The following STPG2 variants were observed in gnomAD, a reference collection of about 807,000 sequenced individuals.
STPG2 encodes sperm tail PG-rich repeat containing 2.
Under a neutral mutation model 54.2 loss-of-function variants are expected in STPG2, and 56 were observed. The observed-to-expected ratio is 1.03, with a 90% CI of 0.83 to 1.29. The LOEUF (loss-of-function observed/expected upper bound fraction) is 1.29, where lower values mean the gene tolerates loss of function less well. Ranked by LOEUF, STPG2 falls within the 50% of genes most tolerant of loss-of-function variation. The pLI, the probability that STPG2 is intolerant of heterozygous loss-of-function variation, is 0.00. For missense variants in STPG2, 596 were observed against 544.9 expected (o/e 1.09, Z -0.93); for synonymous variants, 200 against 181.8 (o/e 1.10, Z -0.81).
At chr4:98,124,144 G>A (rs1739765339) in intron 3 of STPG2, among the ~76,000 whole-genome samples, 1 of 152,134 alleles carries the variant, frequency 6.6e-6, no homozygotes, top group Non-Finnish European at 1.5e-5. Context: ...CTGCTATTCT[G>A]TGTCTTTTAT....
At chr4:97,479,714 T>C (rs1056495404) in intron 4 of STPG2, among the ~76,000 whole-genome samples, 1 of 151,888 alleles carries the variant, frequency 6.6e-6, no homozygotes, top group Non-Finnish European at 1.5e-5. Context: ...AAGGTTTCCA[T>C]TATAGATCAA....
intron 8 of STPG2, among the ~76,000 whole-genome samples, chr4:97,932,321 T>C (rs964474890): frequency 5.3e-5 from 8 of 152,140 alleles, no homozygotes; most frequent in Non-Finnish European, 8.8e-5. Context: ...ATTTTTCAAG[T>C]TGTGAAGTTA....
intron 4 of STPG2, among the ~76,000 whole-genome samples, chr4:97,502,301 G>A (rs1430786669): frequency 6.6e-6 from 1 of 151,716 alleles, no homozygotes; most frequent in Non-Finnish European, 1.5e-5. Flanking sequence ...AAATACCTTA[G>A]GCAAACAGGC....
chr4:97,518,390 C>A (rs112763283), intron 4 of STPG2, among the ~76,000 whole-genome samples: 1 of 152,082 alleles, frequency 6.6e-6, no homozygotes, highest in African/African-American at 2.4e-5. Context: ...GAAATGAGGG[C>A]AGATACATTC....
intron 5 of STPG2, among the ~76,000 whole-genome samples, chr4:98,076,977 A>G (rs905542584): frequency 6.6e-6 from 1 of 151,996 alleles, no homozygotes; most frequent in African/African-American, 2.4e-5. Flanking sequence ...TCTAACTTCA[A>G]ACACCCTACA....
chr4:97,573,891 C>A (rs1480276019), intron 10 of STPG2, among the ~76,000 whole-genome samples: 1 of 152,012 alleles, frequency 6.6e-6, no homozygotes, highest in Non-Finnish European at 1.5e-5. Context: ...AGAGCCAGTG[C>A]CCTTATACAA....
At chr4:97,784,043 T>C (rs1188417843) in intron 9 of STPG2, among the ~76,000 whole-genome samples, 2 of 148,486 alleles carry the variant, frequency 1.3e-5, no homozygotes, top group African/African-American at 2.5e-5. Flanking sequence ...GTTGTACACA[T>C]GTACCCTAGA....
chr4:97,731,355 G>T (rs1560505302), intron 9 of STPG2, among the ~76,000 whole-genome samples: 1 of 152,116 alleles, frequency 6.6e-6, no homozygotes, highest in African/African-American at 2.4e-5. Context: ...TTGTTCGGTG[G>T]CGTCATTTAG....
intron 5 of STPG2, among the ~76,000 whole-genome samples, chr4:98,058,317 T>A (rs541185613): frequency 6.6e-6 from 1 of 152,242 alleles, no homozygotes; most frequent in South Asian, 2.1e-4. Flanking sequence ...AAGAGACTCA[T>A]CTCACACACA....
intron 8 of STPG2, among the ~76,000 whole-genome samples, chr4:97,899,071 C>A (rs1731068608): frequency 6.6e-6 from 1 of 151,694 alleles, no homozygotes; most frequent in African/African-American, 2.4e-5. Flanking sequence ...ATCTAGAAAA[C>A]CCCATAATCT....
At chr4:98,142,235 T>C (rs1463664571) in intron 1 of STPG2, among the ~76,000 whole-genome samples, 1 of 152,182 alleles carries the variant, frequency 6.6e-6, no homozygotes, top group Non-Finnish European at 1.5e-5. Flanking sequence ...AACCTTCCCT[T>C]ATCTGATCAG....
chr4:98,051,150 T>C (rs1737308828), intron 5 of STPG2, among the ~76,000 whole-genome samples: 1 of 152,184 alleles, frequency 6.6e-6, no homozygotes, highest in African/African-American at 2.4e-5. Flanking sequence ...AGATCCACCT[T>C]AGGTAGCTAG....
chr4:97,605,992 T>C (rs1047456553), intron 10 of STPG2, among the ~76,000 whole-genome samples: 2 of 151,814 alleles, frequency 1.3e-5, no homozygotes, highest in Admixed American at 1.3e-4. Flanking sequence ...AATTTTTAGA[T>C]CTAATTTTTA....
chr4:97,660,890 A>G (rs1444878069), intron 10 of STPG2, among the ~76,000 whole-genome samples: 1 of 152,196 alleles, frequency 6.6e-6, no homozygotes, highest in Admixed American at 6.6e-5. Context: ...TAATCCGTAT[A>G]TATATTATTT....
At chr4:97,682,393 T>C (rs1723064022) in intron 10 of STPG2, among the ~76,000 whole-genome samples, 1 of 151,768 alleles carries the variant, frequency 6.6e-6, no homozygotes, top group Non-Finnish European at 1.5e-5. Flanking sequence ...AAAAATTACA[T>C]CACAAAGACA....
intron 5 of STPG2, chr4:98,025,915 C>A: frequency 6.6e-7 from 1 of 1,504,514 alleles, no homozygotes; most frequent in Non-Finnish European, 9.2e-7. Context: ...CTCACAGTAC[C>A]AAATGATTCC....
intron 5 of STPG2, among the ~76,000 whole-genome samples, chr4:98,061,393 G>A (rs1196615080): frequency 2.0e-5 from 3 of 152,138 alleles, no homozygotes; most frequent in African/African-American, 4.8e-5. Context: ...TGCAGAGCAG[G>A]AGGAAGAGAG....
At chr4:97,696,380 G>A (rs1238341877) in intron 10 of STPG2, among the ~76,000 whole-genome samples, 1 of 152,138 alleles carries the variant, frequency 6.6e-6, no homozygotes, top group East Asian at 1.9e-4. Context: ...AACTCAAGAT[G>A]GATCAAAGTC....
chr4:97,551,912 C>G (rs370163950), intron 4 of STPG2, among the ~76,000 whole-genome samples: 11 of 152,038 alleles, frequency 7.2e-5, no homozygotes, highest in African/African-American at 2.7e-4. Flanking sequence ...AGATGATACA[C>G]ATAATGCAAA....
Sources: allele counts gnomAD v4.1 joint callset (sites outside exome capture counted in the v4.1 genomes callset), GRCh38; gene constraint gnomAD v4.1.1; transcripts MANE v1.5; gene names NCBI Gene and HGNC (gene_info 2026-07-23, HGNC 2026-07-21).